The following PITRM1 variants were observed in gnomAD, a reference collection of about 807,000 sequenced individuals.
PITRM1 encodes presequence protease, mitochondrial.
Under a neutral mutation model 129.9 loss-of-function variants are expected in PITRM1, and 100 were observed. The ratio of observed to expected loss-of-function variants is 0.77; its 90% CI spans 0.65 to 0.91. The LOEUF (loss-of-function observed/expected upper bound fraction) is 0.91. Ranked by LOEUF, PITRM1 falls within the 40% of genes least tolerant of loss-of-function variation. PITRM1 has a pLI of 0.00. For synonymous variants in PITRM1, 591 were observed against 508.8 expected (o/e 1.16, Z -2.17); for missense variants, 1,471 against 1,318.3 (o/e 1.12, Z -1.79).
intron 14 of PITRM1, among the ~76,000 whole-genome samples, chr10:3,152,733 G>A (rs1019136313): frequency 1.3e-5 from 2 of 152,226 alleles, no homozygotes; most frequent in African/African-American, 4.8e-5. Context: ...TCTAATCTGT[G>A]GCTTTGCCAC....
intron 9 of PITRM1, among the ~76,000 whole-genome samples, chr10:3,159,295 C>T (rs1489586508): frequency 4.6e-5 from 7 of 152,204 alleles, no homozygotes; most frequent in East Asian, 1.9e-4. Flanking sequence ...ACTTTTCACA[C>T]GTGATTTAAA....
At chr10:3,158,588 AGAC>A (rs2132461162) in intron 10 of PITRM1, among the ~76,000 whole-genome samples, 1 of 152,278 alleles carries the variant, frequency 6.6e-6, no homozygotes, top group South Asian at 2.1e-4. Context: ...GACCTGTAAG[AGAC>A]AACAGCATGA....
chr10:3,147,713 G>C lies in PITRM1; in HGVS notation c.2094C>G (p.His698Gln). The change falls in exon 19 of 27, where the codon CAC becomes CAG. Residue 698 changes from histidine (H) to glutamine (Q), a missense_variant. Transcript: ENST00000224949. ...FNNPCFEEEEHFKVLVKMTAQ... is the reference protein window; with the variant it reads ...FNNPCFEEEEQFKVLVKMTAQ... ...CGGTCATCTTCACCAGCACCTTGAAGTGCTCCTCTTCTTCAAAGCACGGGC... is the reference window on the plus strand; with the variant it reads ...CGGTCATCTTCACCAGCACCTTGAACTGCTCCTCTTCTTCAAAGCACGGGC... The C allele has an allele frequency of 6.2e-7, 1 of 1,601,896 alleles. No individual in the cohort carries two copies. The highest frequency in any genetic ancestry group is 8.5e-7 in the Non-Finnish European group (1 of 1,175,832).
intron 14 of PITRM1, among the ~76,000 whole-genome samples, chr10:3,154,259 T>C (rs1841777997): frequency 6.6e-6 from 1 of 152,208 alleles, no homozygotes; most frequent in Non-Finnish European, 1.5e-5. Flanking sequence ...TATATGTTGA[T>C]GGAAATCTGG....
intron 15 of PITRM1, among the ~76,000 whole-genome samples, chr10:3,150,367 G>C (rs1207462426): frequency 2.0e-5 from 3 of 152,238 alleles, no homozygotes; most frequent in South Asian, 4.1e-4. Context: ...TAACAGATCA[G>C]AGAGATGTCA....
intron 16 of PITRM1, chr10:3,149,382 T>A: frequency 2.8e-6 from 1 of 356,016 alleles, no homozygotes. Flanking sequence ...TAGGCTGAGA[T>A]GGAGATCTAT....
At chr10:3,153,236 G>T (rs145086842) in intron 14 of PITRM1, among the ~76,000 whole-genome samples, 154 of 152,308 alleles carry the variant, frequency 1.0e-3, no homozygotes, top group African/African-American at 3.3e-3. Context: ...ACAGTATACG[G>T]GGTTTTCTTA....
At chr10:3,150,338 G>A (rs920247137) in intron 15 of PITRM1, among the ~76,000 whole-genome samples, 9 of 152,142 alleles carry the variant, frequency 5.9e-5, no homozygotes, top group African/African-American at 1.7e-4. Context: ...TGAGATTCAC[G>A]GACAAAAACT....
intron 7 of PITRM1, among the ~76,000 whole-genome samples, chr10:3,161,818 CAG>C (rs1174099776): frequency 2.0e-5 from 3 of 149,364 alleles, no homozygotes; most frequent in Non-Finnish European, 3.0e-5. Context: ...TCTGTGAGGT[CAG>C]AGTGGTACTA....
chr10:3,143,571 A>AT (rs1376482041), intron 22 of PITRM1, 70 bp from the exon 23 acceptor site: 1 of 1,066,386 alleles, frequency 9.4e-7, no homozygotes, highest in Non-Finnish European at 1.5e-6. Context: ...GACTGGACCC[A>AT]CTCAGGGGTC....
chr10:3,138,933 A>G lies in PITRM1; in HGVS notation c.2888T>C (p.Val963Ala), dbSNP rs1163751805. The G allele has an allele frequency of 1.2e-6, 2 of 1,613,974 alleles. No individual in the cohort carries two copies. The highest frequency in any genetic ancestry group is 1.7e-5 in the Admixed American group (1 of 60,018). The change falls in exon 25 of 27, where the codon GTA (valine) becomes GCA (alanine). Residue 963 changes from valine (V) to alanine (A), a missense_variant. Physicochemically the swap from Val to Ala is moderately conservative, Grantham distance 64 (BLOSUM62 0). Transcript: ENST00000224949. ...DEAKLSVFST[V>A]DAPVAPSDKG... ...GTCTGAAGGAGCGACAGGAGCATCT[A>G]CGGTTGAGAAGACAGAAAGTTTGGC...
chr10:3,154,589 C>T (rs1038745451), intron 14 of PITRM1, among the ~76,000 whole-genome samples: 20 of 152,044 alleles, frequency 1.3e-4, no homozygotes, highest in African/African-American at 4.3e-4. Flanking sequence ...AGATTATTTC[C>T]CATGTAATGA....
rs367656087 is a variant in PITRM1 at position 3,168,136 on chromosome 10, G to C, written c.160-1094C>G. 3.3e-5 allele frequency among the ~76,000 whole-genome samples: 5 copies of C among 152,076 alleles called. No homozygotes were observed. In the East Asian group the frequency reaches 9.7e-4, roughly 29 times the overall value. On this transcript the variant is annotated intron_variant, in intron 2 of 26. Transcript: ENST00000224949. Reference sequence around the variant, plus strand: ...GGTGCCATGAGTCACCTGGCCAAGCGCACACAGTAAGTCGCTGGCCAAGGT... The same window carrying C: ...GGTGCCATGAGTCACCTGGCCAAGCCCACACAGTAAGTCGCTGGCCAAGGT...
intron 16 of PITRM1, 97 bp downstream of exon 16, chr10:3,149,524 G>T: frequency 8.1e-7 from 1 of 1,233,380 alleles, no homozygotes; most frequent in Non-Finnish European, 1.1e-6. Flanking sequence ...TGTAAGTTGT[G>T]ATTCACTGAA....
At chr10:3,156,903 G>A (rs1338430041) in intron 13 of PITRM1, 27 bp downstream of exon 13, 4 of 1,436,114 alleles carry the variant, frequency 2.8e-6, no homozygotes, top group Non-Finnish European at 3.7e-6. Context: ...TTCAAAATTA[G>A]AGAAATGAAT....
chr10:3,164,146 C>G (rs908203393), intron 6 of PITRM1: 1 of 214,888 alleles, frequency 4.7e-6, no homozygotes, highest in African/African-American at 2.3e-5. Flanking sequence ...GTGCAACAAA[C>G]GCATAGCTGA....
chr10:3,167,100 GT>G, intron 2 of PITRM1, 58 bp from the exon 3 acceptor site: 1 of 1,002,358 alleles, frequency 1.0e-6, no homozygotes, highest in Non-Finnish European at 1.5e-6. Context: ...CTTTGAAATG[GT>G]TATGTTCGAC....
Position 3,140,672 on chromosome 10 carries a change from T to C in PITRM1, c.2771+15A>G. The stretch of plus-strand genomic sequence containing the variant: ...GACGTGTGCATCCCAATGTGTGAAC[T>C]AGAGCAAAACTCACCTGTAAGAGTA... On this transcript the variant is annotated intron_variant, in intron 24 of 26. Coordinates refer to ENST00000224949, the MANE Select transcript of PITRM1 (RefSeq NM_014889.4). The C allele has an allele frequency of 1.9e-6, 3 of 1,592,908 alleles. No individual in the cohort carries two copies. The highest frequency in any genetic ancestry group is 2.6e-6 in the Non-Finnish European group (3 of 1,168,394).
chr10:3,171,213 A>G (rs921314227), intron 1 of PITRM1, among the ~76,000 whole-genome samples: 1 of 147,622 alleles, frequency 6.8e-6, no homozygotes, highest in African/African-American at 2.5e-5. Context: ...CTACAGTGGC[A>G]TGTAACAAAG....
Sources: gnomAD v4.1 joint callset for allele counts (sites outside exome capture counted in the v4.1 genomes callset) on GRCh38, gnomAD v4.1.1 for gene constraint, MANE v1.5 for transcripts, NCBI Gene and HGNC (gene_info 2026-07-23, HGNC 2026-07-21) for gene names.